The following KCNAB1 variants were observed in gnomAD, a reference collection of about 807,000 sequenced individuals.
The protein encoded by KCNAB1 is voltage-gated potassium channel subunit beta-1.
KCNAB1 carries 35 observed loss-of-function variants against 64.6 expected under a neutral mutation model. The observed-to-expected ratio is 0.54, with a 90% CI of 0.41 to 0.72. KCNAB1 has a LOEUF of 0.72. Among genes scored for constraint, KCNAB1 ranks in the 30% least tolerant of loss-of-function variants. The pLI is 0.00. For missense variants in KCNAB1, 401 were observed against 512.9 expected, an observed-to-expected ratio of 0.78 and a Z score of 2.11; for synonymous variants, 177 against 183.8, an observed-to-expected ratio of 0.96 and a Z score of 0.30.
chr3:156,232,612 C>G (rs1426704827), intron 1 of KCNAB1, among the ~76,000 whole-genome samples: 2 of 152,258 alleles, frequency 1.3e-5, no homozygotes, highest in Non-Finnish European at 2.9e-5. Context: ...CATAGAATTA[C>G]TCTTCCTATC....
At chr3:156,253,164 C>T (rs114620735) in intron 1 of KCNAB1, among the ~76,000 whole-genome samples, 43 of 152,312 alleles carry the variant, frequency 2.8e-4, no homozygotes, top group African/African-American at 9.9e-4. Context: ...TAGGTTGCTG[C>T]ACCAGGCCTG....
intron 1 of KCNAB1, among the ~76,000 whole-genome samples, chr3:156,286,968 C>T (rs921960161): frequency 1.3e-5 from 2 of 152,098 alleles, no homozygotes; most frequent in Non-Finnish European, 2.9e-5. Flanking sequence ...ACACCTTTCC[C>T]AGAGAACCAC....
intron 1 of KCNAB1, among the ~76,000 whole-genome samples, chr3:156,315,991 C>T (rs1722247321): frequency 6.6e-6 from 1 of 152,192 alleles, no homozygotes; most frequent in African/African-American, 2.4e-5. Context: ...TCCGTGTGTT[C>T]ACATGCACAC....
chr3:156,341,509 T>C (rs1724113461), intron 1 of KCNAB1, among the ~76,000 whole-genome samples: 3 of 152,184 alleles, frequency 2.0e-5, no homozygotes, highest in Non-Finnish European at 4.4e-5. Flanking sequence ...TCCCCCCTCT[T>C]GCTACTGTTG....
chr3:156,495,438 A>G (rs1715946412), intron 8 of KCNAB1, among the ~76,000 whole-genome samples: 1 of 152,202 alleles, frequency 6.6e-6, no homozygotes, highest in African/African-American at 2.4e-5. Context: ...ATGTATGTTC[A>G]CTGCAGCACT....
intron 1 of KCNAB1, among the ~76,000 whole-genome samples, chr3:156,417,834 A>T (rs568724667): frequency 2.0e-5 from 3 of 152,334 alleles, no homozygotes; most frequent in African/African-American, 7.2e-5. Flanking sequence ...GTATTCACCG[A>T]GTGGAGAGTC....
chr3:156,316,650 C>T (rs1332382430), intron 1 of KCNAB1, among the ~76,000 whole-genome samples: 1 of 152,216 alleles, frequency 6.6e-6, no homozygotes. Flanking sequence ...GCTCCCAACC[C>T]TGAAGAGGGG....
chr3:156,443,333 G>C (rs1239892890), intron 2 of KCNAB1, among the ~76,000 whole-genome samples: 1 of 152,148 alleles, frequency 6.6e-6, no homozygotes, highest in Admixed American at 6.5e-5. Context: ...TTGTAAAGCA[G>C]GATGTTGTTA....
At chr3:156,210,685 G>C (rs1302454539) in intron 1 of KCNAB1, among the ~76,000 whole-genome samples, 1 of 152,228 alleles carries the variant, frequency 6.6e-6, no homozygotes, top group East Asian at 1.9e-4. Context: ...TGGCAGCACT[G>C]ACACTAGAAG....
chr3:156,122,895 T>C (rs1286026272), intron 1 of KCNAB1, among the ~76,000 whole-genome samples: 1 of 152,214 alleles, frequency 6.6e-6, no homozygotes, highest in Admixed American at 6.5e-5. Flanking sequence ...AGCAACTTTT[T>C]TACCTCTCAA....
At chr3:156,356,616 CTCCCTT>C (rs1389547717) in intron 1 of KCNAB1, among the ~76,000 whole-genome samples, 1 of 152,300 alleles carries the variant, frequency 6.6e-6, no homozygotes, top group East Asian at 1.9e-4. Context: ...ACTTTTGAAG[CTCCCTT>C]TCTCTGGGCT....
intron 1 of KCNAB1, chr3:156,176,224 C>T: frequency 1.3e-6 from 1 of 783,058 alleles, no homozygotes; most frequent in Non-Finnish European, 2.4e-6. Context: ...ATCTGCATGG[C>T]CTGTCATGGT....
intron 1 of KCNAB1, among the ~76,000 whole-genome samples, chr3:156,182,706 T>TTG (rs1403462365): frequency 6.6e-6 from 1 of 150,438 alleles, no homozygotes; most frequent in Non-Finnish European, 1.5e-5. Context: ...TTTTTTTTTT[T>TTG]TTTTTTTATT....
chr3:156,463,862 T>TG (rs11447140), intron 6 of KCNAB1, 116 bp downstream of exon 6: 36,602 of 730,964 alleles, frequency 0.05, 981 homozygotes, highest in African/African-American at 0.11. Context: ...GAGGGTTTTT[T>TG]GTTTTTTTTT....
At chr3:156,312,699 TCTCCAAAAAAAAAA>T (rs1721991055) in intron 1 of KCNAB1, among the ~76,000 whole-genome samples, 1 of 50,812 alleles carries the variant, frequency 2.0e-5, no homozygotes. Context: ...AGTGAGACTG[TCTCCAAAAAAAAAA>T]AAAAAAAAAA....
chr3:156,295,132 A>AT (rs536666692), intron 1 of KCNAB1, among the ~76,000 whole-genome samples: 25 of 151,372 alleles, frequency 1.7e-4, no homozygotes, highest in East Asian at 5.8e-4. Context: ...CTATGAAGTT[A>AT]TTTTTTTTTG....
intron 1 of KCNAB1, among the ~76,000 whole-genome samples, chr3:156,270,799 C>A (rs771179769): frequency 6.6e-6 from 1 of 151,874 alleles, no homozygotes; most frequent in Non-Finnish European, 1.5e-5. Context: ...CACATGGTTT[C>A]TTATTGCTCA....
intron 1 of KCNAB1, among the ~76,000 whole-genome samples, chr3:156,346,807 A>T (rs1202107650): frequency 6.6e-6 from 1 of 152,166 alleles, no homozygotes; most frequent in Non-Finnish European, 1.5e-5. Flanking sequence ...TTTTTTTTCC[A>T]TTATAGCCTT....
At chr3:156,278,422 T>C (rs1473495329) in intron 1 of KCNAB1, among the ~76,000 whole-genome samples, 1 of 152,180 alleles carries the variant, frequency 6.6e-6, no homozygotes, top group East Asian at 1.9e-4. Flanking sequence ...TTGAGTCCAA[T>C]TAGACTAGCT....
Sources: allele counts gnomAD v4.1 joint callset (sites outside exome capture counted in the v4.1 genomes callset), GRCh38; gene constraint gnomAD v4.1.1; transcripts MANE v1.5; gene names NCBI Gene and HGNC (gene_info 2026-07-23, HGNC 2026-07-21).